The following THSD7B variants were observed in gnomAD, a reference collection of about 807,000 sequenced individuals.
THSD7B encodes the protein thrombospondin type-1 domain-containing protein 7B.
Under a neutral mutation model 213.6 loss-of-function variants are expected in THSD7B, and 138 were observed. The ratio of observed to expected loss-of-function variants is 0.65; its 90% confidence interval spans 0.56 to 0.74. The LOEUF (loss-of-function observed/expected upper bound fraction) is 0.74, where lower values mean the gene tolerates loss of function less well. THSD7B is among the 30% of genes least tolerant of loss of function. The pLI, the probability that THSD7B is intolerant of heterozygous loss-of-function variation, is 0.00. For synonymous variants in THSD7B, 742 were observed against 687.0 expected (o/e 1.08, Z -1.25); for missense variants, 1,931 against 1,991.5 (o/e 0.97, Z 0.58).
chr2:137,264,780 G>A (rs1452515675), intron 10 of THSD7B, among the ~76,000 whole-genome samples: 2 of 150,824 alleles, frequency 1.3e-5, no homozygotes, highest in Admixed American at 6.6e-5. Context: ...CAGGTTTGTT[G>A]AGGGACGCAA....
In THSD7B at chr2:137,057,207, T is replaced by C; in HGVS notation, c.927T>C (p.Ser309=). Reference sequence around the variant, plus strand: ...CCCGGCAGGTTTCGTGTACAAGAAGTGATGGACAAAATGCTATGTTAAGGT... The same window carrying C: ...CCCGGCAGGTTTCGTGTACAAGAAGCGATGGACAAAATGCTATGTTAAGGT... The part of the protein sequence containing the change: ...YQTRQVSCTR[S]DGQNAMLSLC... The change falls in exon 3 of 28, where the codon AGT becomes AGC. Residue 309 remains serine, a synonymous_variant. Transcript: ENST00000409968. 3.1e-6 allele frequency: 5 copies of C among 1,612,824 alleles called. No individual in the cohort carries two copies. The highest frequency in any genetic ancestry group is 4.2e-6 in the Non-Finnish European group (5 of 1,179,202).
In THSD7B at chr2:137,015,664, G is replaced by C. The variant is rs554464131; in HGVS notation, c.140-40756G>C. Among the ~76,000 whole-genome samples the C allele has an allele frequency of 7.2e-5, 11 of 152,280 alleles. 1 individual carries two copies. In the East Asian group the frequency reaches 2.1e-3, roughly 29 times the overall value. ...TCCTGGTGCAGCTGGTGTTAAAAGA[G>C]CAGAGTCCTCACTATTTTGGAACCA... On this transcript the variant is annotated intron_variant, in intron 2 of 27. Coordinates refer to ENST00000409968, the MANE Select transcript of THSD7B (RefSeq NM_001316349.2).
At chr2:137,494,779 C>T (rs1255467561) in intron 15 of THSD7B, among the ~76,000 whole-genome samples, 2 of 152,140 alleles carry the variant, frequency 1.3e-5, no homozygotes, top group Non-Finnish European at 2.9e-5. Flanking sequence ...GGTGCTATGC[C>T]TCTATGGACA....
At chr2:136,963,130 A>G (rs765347100) in intron 2 of THSD7B, among the ~76,000 whole-genome samples, 2 of 152,208 alleles carry the variant, frequency 1.3e-5, no homozygotes, top group Non-Finnish European at 2.9e-5. Flanking sequence ...AAATGTATGT[A>G]TAGTCACCAT....
intron 7 of THSD7B, among the ~76,000 whole-genome samples, chr2:137,188,449 C>A (rs1680594585): frequency 7.2e-6 from 1 of 138,440 alleles, no homozygotes; most frequent in Admixed American, 7.6e-5. Context: ...AGTTCCAGGG[C>A]CTCCTAATGA....
At chr2:137,585,981 G>A (rs543624322) in intron 17 of THSD7B, among the ~76,000 whole-genome samples, 55 of 152,214 alleles carry the variant, frequency 3.6e-4, no homozygotes, top group African/African-American at 1.3e-3. Context: ...AAGTCTCTTT[G>A]TAGGTCTCTA....
chr2:137,531,847 T>C (rs994448996), intron 15 of THSD7B, among the ~76,000 whole-genome samples: 1 of 151,978 alleles, frequency 6.6e-6, no homozygotes, highest in African/African-American at 2.4e-5. Flanking sequence ...GTAAAGTGTC[T>C]TCCTGGAGTG....
In THSD7B at chr2:137,086,189, T is replaced by C. The variant is rs190847972; in HGVS notation, c.951-8684T>C. 7.9e-5 allele frequency among the ~76,000 whole-genome samples: 12 copies of C among 152,006 alleles called. No individual in the cohort carries two copies. In the East Asian group the frequency reaches 1.9e-3, roughly 25 times the overall value. ...CCTTCTCTACTGAGAATACAAAAAT[T>C]AGCTGGGCGTGATGGTGCACGCCTG... On this transcript the variant is annotated intron_variant, in intron 3 of 27. Transcript: ENST00000409968.
chr2:137,373,841 G>A (rs1057340465), intron 12 of THSD7B, among the ~76,000 whole-genome samples: 2 of 152,134 alleles, frequency 1.3e-5, no homozygotes, highest in African/African-American at 4.8e-5. Context: ...GGTCTAACAG[G>A]TAAGTCTTTA....
chr2:137,088,264 T>A (rs904648659), intron 3 of THSD7B, among the ~76,000 whole-genome samples: 1 of 150,754 alleles, frequency 6.6e-6, no homozygotes, highest in Non-Finnish European at 1.5e-5. Flanking sequence ...AAAATAAAAT[T>A]AAATTTAAAA....
At chr2:137,553,450 T>G (rs1399098106) in intron 15 of THSD7B, among the ~76,000 whole-genome samples, 2 of 152,102 alleles carry the variant, frequency 1.3e-5, no homozygotes. Flanking sequence ...CTTAGTTAAA[T>G]TGATCAATTA....
At chr2:137,528,303 C>G (rs1193492818) in intron 15 of THSD7B, among the ~76,000 whole-genome samples, 2 of 152,048 alleles carry the variant, frequency 1.3e-5, no homozygotes, top group Admixed American at 1.3e-4. Flanking sequence ...TTAATTTCCA[C>G]TTCTATCATG....
chr2:137,217,124 A>C (rs1353894975), intron 7 of THSD7B, among the ~76,000 whole-genome samples: 1 of 152,126 alleles, frequency 6.6e-6, no homozygotes, highest in Non-Finnish European at 1.5e-5. Context: ...ATATTACCTC[A>C]AGCAAAAGCT....
At chr2:137,209,170 ATTTAT>A in intron 7 of THSD7B, among the ~76,000 whole-genome samples, 1 of 152,172 alleles carries the variant, frequency 6.6e-6, no homozygotes, top group South Asian at 2.1e-4. Flanking sequence ...ACTATGTCAG[ATTTAT>A]TTTACTGTCA....
chr2:136,781,507 G>T (rs977699135), intron 1 of THSD7B, among the ~76,000 whole-genome samples: 1 of 151,642 alleles, frequency 6.6e-6, no homozygotes, highest in Non-Finnish European at 1.5e-5. Flanking sequence ...CCTGACCTCA[G>T]ATGATCTGCC....
chr2:137,359,067 C>T (rs1685197757), intron 12 of THSD7B, among the ~76,000 whole-genome samples: 2 of 152,230 alleles, frequency 1.3e-5, no homozygotes, highest in Admixed American at 1.3e-4. Context: ...ATATAGCCCA[C>T]AAGGCCTTCT....
chr2:137,471,130 A>C (rs1359423029), intron 15 of THSD7B, among the ~76,000 whole-genome samples: 1 of 151,928 alleles, frequency 6.6e-6, no homozygotes, highest in Non-Finnish European at 1.5e-5. Flanking sequence ...TGTGTTGTCC[A>C]GGCTGGTCTT....
intron 2 of THSD7B, among the ~76,000 whole-genome samples, chr2:136,956,481 A>AT (rs200379817): frequency 0.054 from 263 of 4,874 alleles, 4 homozygotes; most frequent in East Asian, 0.5. Context: ...GTCCCTTAAG[A>AT]ATTTTTTTAA....
intron 5 of THSD7B, among the ~76,000 whole-genome samples, chr2:137,128,425 T>C (rs1463915061): frequency 6.6e-6 from 1 of 152,198 alleles, no homozygotes; most frequent in African/African-American, 2.4e-5. Context: ...AAATCACTCA[T>C]GGTACTTAAT....
Sources: allele counts gnomAD v4.1 joint callset (sites outside exome capture counted in the v4.1 genomes callset), GRCh38; gene constraint gnomAD v4.1.1; transcripts MANE v1.5; gene names NCBI Gene and HGNC (gene_info 2026-07-23, HGNC 2026-07-21).